The following SLC15A3 variants were observed in gnomAD, a reference collection of about 807,000 sequenced individuals.
SLC15A3 encodes osteoclast transporter.
A neutral mutation model predicts 49.2 loss-of-function variants in SLC15A3; 39 were observed. The observed-to-expected ratio is 0.79, with a 90% confidence interval of 0.61 to 1.04. The LOEUF is 1.04. SLC15A3 is among the 50% of genes least tolerant of loss of function. SLC15A3 has a pLI of 0.00. For synonymous variants in SLC15A3, 339 were observed against 367.0 expected (o/e 0.92, Z 0.87); for missense variants, 758 against 794.8 (o/e 0.95, Z 0.56).
chr11:60,951,254 G>T lies in SLC15A3; in HGVS notation c.298C>A (p.Arg100Ser). ...GGWLADVYLG[R>S]YRAVALSLLL... ...AGGCTGAGCGCGACCGCGCGGTAGCGGCCCAGGTACACGTCGGCCAGCCAG... is the reference window on the plus strand; with the variant it reads ...AGGCTGAGCGCGACCGCGCGGTAGCTGCCCAGGTACACGTCGGCCAGCCAG... The change falls in exon 1 of 8, where the codon CGC (arginine) becomes AGC (serine). Residue 100 changes from arginine to serine, a missense_variant. By Grantham distance (110) the Arg-to-Ser change is moderately radical. Coordinates refer to ENST00000227880, the MANE Select transcript of SLC15A3 (RefSeq NM_016582.3). 1 of 1,515,534 alleles carries T rather than the reference G, an allele frequency of 6.6e-7. No individual in the cohort carries two copies. The allele number at this position is 1,515,534 out of a possible 1,614,324, so 93.9% of individuals were successfully genotyped here.
At chr11:60,947,907 G>T (rs1221894607) in intron 1 of SLC15A3, 1 of 152,124 alleles carries the variant, frequency 6.6e-6, no homozygotes, top group Non-Finnish European at 1.5e-5. Context: ...GTCTGGGGCA[G>T]GACCTGGGCA....
At position 60,946,820 on chromosome 11, in the gene SLC15A3, A is replaced by C. The variant is rs201623464; in HGVS notation, c.560T>G (p.Val187Gly). 226 of 1,605,544 alleles carry C rather than the reference A, an allele frequency of 1.4e-4. No individual in the cohort carries two copies. Among genetic ancestry groups the C allele is most frequent in the African/African-American group, 5.3e-5 (4 of 74,984 alleles). Residue 187 changes from valine (V) to glycine (G), a missense_variant and splice_region_variant, in exon 2 of 8, where the codon GTG (valine) becomes GGG (glycine). Val to Gly is a moderately radical substitution (Grantham distance 109). This residue lies in a region of SLC15A3 where 699 missense variants were observed against 706.7 expected (regional missense o/e 0.99). Coordinates refer to ENST00000227880, the MANE Select transcript of SLC15A3 (RefSeq NM_016582.3). ...GGTGGCGTCGCGGCCGAGATCCATCACCTGCCATTCAGGAAGGGGTGACAG... is the reference window on the plus strand; with the variant it reads ...GGTGGCGTCGCGGCCGAGATCCATCCCCTGCCATTCAGGAAGGGGTGACAG... The part of the protein sequence containing the change: ...SNLTSFGADQ[V>G]MDLGRDATRR...
Position 60,950,982 on chromosome 11 carries a change from C to G in SLC15A3, c.558+12G>C. On this transcript the variant is annotated intron_variant, in intron 1 of 7. Transcript: ENST00000227880. Reference sequence around the variant, plus strand: ...CGCCGGAGTATGCCGGGGCAGGCCTCCTGCCACTCACCTGGTCGGCACCGA... The same window carrying G: ...CGCCGGAGTATGCCGGGGCAGGCCTGCTGCCACTCACCTGGTCGGCACCGA... The G allele has an allele frequency of 1.4e-6, 2 of 1,429,432 alleles. No individual in the cohort carries two copies. Among genetic ancestry groups the G allele is most frequent in the Non-Finnish European group, 1.8e-6 (2 of 1,098,280 alleles). The allele number at this position is 1,429,432 out of a possible 1,614,324, so 88.5% of individuals were successfully genotyped here.
At chr11:60,938,603 G>A (rs1856660862) in intron 6 of SLC15A3, among the ~76,000 whole-genome samples, 1 of 152,102 alleles carries the variant, frequency 6.6e-6, no homozygotes, top group African/African-American at 2.4e-5. Flanking sequence ...GCCTTCAGGA[G>A]AAATCCCAAG....
Position 60,951,593 on chromosome 11 carries a change from C to T in SLC15A3, c.-42G>A. The T allele has an allele frequency of 4.4e-6, 5 of 1,128,536 alleles. No individual in the cohort carries two copies. The South Asian group carries it at 1.3e-4, about 30-fold the overall frequency. The allele number at this position is 1,128,536 out of a possible 1,614,324, so 69.9% of individuals were successfully genotyped here. A position where few individuals can be genotyped will look rare whatever the true frequency, so the allele number is the denominator to read the frequency against. Reference sequence around the variant, plus strand: ...GCCCCCCGCGGCTCTTCTCTCCTCTCCTCTCCCCGCCTCAGAGCCCTGCAC... The same window carrying T: ...GCCCCCCGCGGCTCTTCTCTCCTCTTCTCTCCCCGCCTCAGAGCCCTGCAC... On this transcript the variant is annotated 5_prime_UTR_variant, in exon 1 of 8. Coordinates refer to ENST00000227880, the MANE Select transcript of SLC15A3 (RefSeq NM_016582.3).
At chr11:60,937,489 A>T (rs774870629) in intron 7 of SLC15A3, 116 bp from the exon 8 acceptor site, 2 of 1,341,212 alleles carry the variant, frequency 1.5e-6, no homozygotes, top group African/African-American at 1.4e-5. Flanking sequence ...CAGTGGTGGG[A>T]TCTGAAGACA....
chr11:60,943,492 G>T, intron 3 of SLC15A3, 197 bp downstream of exon 3: 1 of 451,014 alleles, frequency 2.2e-6, no homozygotes, highest in Non-Finnish European at 3.7e-6. Flanking sequence ...AGTTCCTCTT[G>T]CCGTACCACC....
intron 6 of SLC15A3, 27 bp from the exon 7 acceptor site, chr11:60,938,052 C>G (rs1856649858): frequency 2.5e-6 from 4 of 1,610,194 alleles, no homozygotes; most frequent in Non-Finnish European, 3.4e-6. Flanking sequence ...GAGACGATCT[C>G]AGGGGCTGGT....
At chr11:60,937,436 T>A in intron 7 of SLC15A3, 63 bp from the exon 8 acceptor site, 1 of 1,601,260 alleles carries the variant, frequency 6.2e-7, no homozygotes, top group Non-Finnish European at 8.5e-7. Flanking sequence ...GCCCTGTGCC[T>A]GCCGTGTCCT....
rs1856911554 is a variant in SLC15A3, at chr11:60,951,132, T to C, written c.420A>G (p.Gly140=). The change falls in exon 1 of 8, where the codon GGA becomes GGG. Residue 140 remains glycine (G), a synonymous_variant. Coordinates refer to ENST00000227880, the MANE Select transcript of SLC15A3 (RefSeq NM_016582.3). ...FCGEMPASPL[G]PACPSAGCPR... is the part of the protein sequence containing the mutation. ...GGCAGCCGGCCGAGGGGCAGGCAGG[T>C]CCCAGCGGCGACGCGGGCATCTCTC... 2 of 1,485,654 alleles carry C rather than the reference T, an allele frequency of 1.3e-6. No homozygotes were observed. Among genetic ancestry groups the C allele is most frequent in the East Asian group, 5.5e-5 (2 of 36,272 alleles). The allele number at this position is 1,485,654 out of a possible 1,614,324, so 92.0% of individuals were successfully genotyped here.
chr11:60,949,421 AGAAG>A (rs1284109799), intron 1 of SLC15A3, among the ~76,000 whole-genome samples: 3 of 78,986 alleles, frequency 3.8e-5, no homozygotes, highest in Non-Finnish European at 9.9e-5. Context: ...AAAGAAAGAA[AGAAG>A]GAAAGAAAGA....
At chr11:60,938,186 A>C in intron 6 of SLC15A3, 161 bp from the exon 7 acceptor site, 1 of 839,918 alleles carries the variant, frequency 1.2e-6, no homozygotes. Context: ...CCATGCATCA[A>C]TGCCGCCTTC....
Position 60,950,688 on chromosome 11 carries a change from G to A in SLC15A3, c.558+306C>T, listed in dbSNP as rs1341763836. Among the ~76,000 whole-genome samples, 3 of 152,380 alleles carry A rather than the reference G, an allele frequency of 2.0e-5. No homozygotes were observed. The East Asian group carries it at 5.8e-4, about 29-fold the overall frequency. ...CCCCTGTAATCCCAGCTACTCTGGAGGCTAAGGAGGGATAATCGCTTGAAC... is the reference window on the plus strand; with the variant it reads ...CCCCTGTAATCCCAGCTACTCTGGAAGCTAAGGAGGGATAATCGCTTGAAC... On this transcript the variant is annotated intron_variant, in intron 1 of 7. Coordinates refer to ENST00000227880, the MANE Select transcript of SLC15A3 (RefSeq NM_016582.3).
chr11:60,947,168 C>A (rs1045111484), intron 1 of SLC15A3, among the ~76,000 whole-genome samples: 20 of 142,616 alleles, frequency 1.4e-4, no homozygotes, highest in Non-Finnish European at 2.6e-4. Context: ...TTTCACTGAG[C>A]AACCTACACT....
rs751814802 is a variant in SLC15A3, at chr11:60,939,636, C to T, written c.1279G>A (p.Val427Ile). 1.9e-6 allele frequency: 3 copies of T among 1,613,956 alleles called. No individual in the cohort carries two copies. Among genetic ancestry groups the T allele is most frequent in the Non-Finnish European group, 1.7e-6 (2 of 1,179,896 alleles). ...FGFTSVIVAG[V>I]LEMERLHYIH... ...TAGTGTAAGCGCTCCATCTCCAGGA[C>T]TCCTGGTGGAGGAGCAGAGGGGGAT... is the stretch of plus-strand genomic sequence containing the variant. Residue 427 changes from valine (V) to isoleucine (I), a missense_variant and splice_region_variant, in exon 6 of 8, where the codon GTC (valine) becomes ATC (isoleucine). Val to Ile is a conservative substitution (Grantham distance 29). Around this residue, in one of 3 missense-constraint regions of SLC15A3, gnomAD observed 699 missense variants for 706.7 expected, o/e 0.99. Coordinates refer to ENST00000227880, the MANE Select transcript of SLC15A3 (RefSeq NM_016582.3).
chr11:60,943,178 G>A (rs1222087589), intron 3 of SLC15A3: 1 of 152,336 alleles, frequency 6.6e-6, no homozygotes, highest in African/African-American at 2.4e-5. Context: ...CTCTGCCGGT[G>A]ATTCTGAAGC....
chr11:60,946,771 G>A lies in SLC15A3; in HGVS notation c.609C>T (p.Tyr203=). ...GCACAGCACCCAGGTTGATGCTCCA[G>A]TAAAACCAGTTGAAGAAGCGGCGGG... ...DATRRFFNWF[Y]WSINLGAVLS... is the part of the protein sequence containing the mutation. The change falls in exon 2 of 8, where the codon TAC becomes TAT. Residue 203 remains tyrosine (Y), a synonymous_variant. Transcript: ENST00000227880. 6.2e-7 allele frequency: 1 copy of A among 1,614,020 alleles called. No individual in the cohort carries two copies. The highest frequency in any genetic ancestry group is 8.5e-7 in the Non-Finnish European group (1 of 1,179,974).
intron 7 of SLC15A3, 130 bp from the exon 8 acceptor site, chr11:60,937,503 G>A: frequency 8.5e-7 from 1 of 1,171,014 alleles, no homozygotes; most frequent in Non-Finnish European, 1.2e-6. Flanking sequence ...GAAGACACTG[G>A]ACAGATACCC....
chr11:60,938,614 G>A (rs968505129), intron 6 of SLC15A3, among the ~76,000 whole-genome samples: 3 of 152,044 alleles, frequency 2.0e-5, no homozygotes, highest in Non-Finnish European at 4.4e-5. Flanking sequence ...AAATCCCAAG[G>A]TGCAGGCTCA....
Sources: allele counts gnomAD v4.1 joint callset (sites outside exome capture counted in the v4.1 genomes callset), GRCh38; gene constraint gnomAD v4.1.1; regional missense constraint gnomAD v4.1.1; transcripts MANE v1.5; gene names NCBI Gene and HGNC (gene_info 2026-07-23, HGNC 2026-07-21).